SEC61A2: variants seen among roughly 807,000 people sequenced by gnomAD.
SEC61A2 encodes protein transport protein Sec61 subunit alpha isoform 2.
In SEC61A2, 28 loss-of-function variants were observed where a neutral mutation model predicts 59.9. The observed-to-expected ratio is 0.47, with a 90% CI of 0.35 to 0.64. The LOEUF (loss-of-function observed/expected upper bound fraction) is 0.64, where lower values mean the gene tolerates loss of function less well. SEC61A2 is among the 30% of genes least tolerant of loss of function. The pLI is 0.01. For missense variants in SEC61A2, 340 were observed against 585.9 expected, an observed-to-expected ratio of 0.58 and a Z score of 4.33; for synonymous variants, 202 against 214.4, an observed-to-expected ratio of 0.94 and a Z score of 0.50.
chr10:12,159,140 G>C (rs913362691), intron 9 of SEC61A2, among the ~76,000 whole-genome samples: 12 of 151,858 alleles, frequency 7.9e-5, no homozygotes, highest in Admixed American at 5.9e-4. Context: ...ACCACGCCCA[G>C]CTAATTTTTT....
intron 1 of SEC61A2, among the ~76,000 whole-genome samples, chr10:12,130,482 T>G (rs968459719): frequency 3.3e-5 from 5 of 152,028 alleles, no homozygotes; most frequent in Non-Finnish European, 5.9e-5. Flanking sequence ...TAGTGGACAT[T>G]TGGGGGAAAT....
In SEC61A2 at chr10:12,160,833, T is replaced by G; in HGVS notation, c.976-97T>G. 9.2e-7 allele frequency: 1 copy of G among 1,089,818 alleles called. No individual in the cohort carries two copies. Among genetic ancestry groups the G allele is most frequent in the Non-Finnish European group, 1.3e-6 (1 of 749,914 alleles). 67.5% of individuals were successfully genotyped at this position (1,089,818 alleles called of 1,614,324 possible). A position where few individuals can be genotyped will look rare whatever the true frequency, so the allele number is the denominator to read the frequency against. ...ATGACTAGCTGTAGATGCCTTGAAC[T>G]TAAAACACTGTCATTTCTGAGAAGT... On this transcript the variant is annotated intron_variant, in intron 9 of 11. Coordinates refer to ENST00000298428, the MANE Select transcript of SEC61A2 (RefSeq NM_018144.4). This position sits in a 1 kb window ranked among gnomAD's most constrained non-coding sequence, Gnocchi z 4.1.
rs117599876 is a variant in SEC61A2 at position 12,154,440 on chromosome 10, C to G, written c.463-1338C>G. On this transcript the variant is annotated intron_variant, in intron 6 of 11. Transcript: ENST00000298428. This position sits in a 1 kb window ranked among gnomAD's most constrained non-coding sequence, Gnocchi z 5.2. ...AGGCCCATCACGATGCTTTCTGTGG[C>G]TGATGTTCATGGACGGCTGTTGCCT... Among the ~76,000 whole-genome samples the G allele has an allele frequency of 1.2e-4, 18 of 152,264 alleles. No homozygotes were observed. The highest frequency in any genetic ancestry group is 2.5e-4 in the Non-Finnish European group (17 of 68,014).
rs1834127250 is a variant in SEC61A2 at position 12,145,913 on chromosome 10, G to GC, written c.220+2722dup. Among the ~76,000 whole-genome samples, 1 of 152,218 alleles carries GC rather than the reference G, an allele frequency of 6.6e-6. No individual in the cohort carries two copies. The highest frequency in any genetic ancestry group is 2.1e-4 in the South Asian group (1 of 4,832). On this transcript the variant is annotated intron_variant, in intron 4 of 11. Coordinates refer to ENST00000298428, the MANE Select transcript of SEC61A2 (RefSeq NM_018144.4). This position sits in a 1 kb window ranked among gnomAD's most constrained non-coding sequence, Gnocchi z 4.4. The stretch of plus-strand genomic sequence containing the variant: ...ATCTACAGTGGAGATGAACAGCTAA[G>GC]CCCCAGGAAGAAGGGGAGCAAGGCC...
At position 12,153,900 on chromosome 10, in the gene SEC61A2, C is replaced by A; in HGVS notation, c.463-1878C>A. On this transcript the variant is annotated intron_variant, in intron 6 of 11. Coordinates refer to ENST00000298428, the MANE Select transcript of SEC61A2 (RefSeq NM_018144.4). The surrounding 1 kb of genome is among the most constrained non-coding windows in gnomAD (Gnocchi z 5.2). ...CATTCACGTGGTTAGTGTTTTTCAG[C>A]TAGTGAGTTTAGAAATCTACATAGC... 4 of 1,257,884 alleles carry A rather than the reference C, an allele frequency of 3.2e-6. No individual in the cohort carries two copies. The highest frequency in any genetic ancestry group is 1.7e-5 in the South Asian group (1 of 57,828). 77.9% of individuals were successfully genotyped at this position (1,257,884 alleles called of 1,614,324 possible).
At chr10:12,130,300 CTG>C (rs902679651) in intron 1 of SEC61A2, among the ~76,000 whole-genome samples, 3 of 152,132 alleles carry the variant, frequency 2.0e-5, no homozygotes, top group African/African-American at 7.2e-5. Flanking sequence ...TTACTGAAAA[CTG>C]TAAGGTTTTA....
At chr10:12,136,923 C>T (rs1321557376) in intron 3 of SEC61A2, among the ~76,000 whole-genome samples, 1 of 152,134 alleles carries the variant, frequency 6.6e-6, no homozygotes, top group Non-Finnish European at 1.5e-5. Context: ...AGCCACCACG[C>T]CCAGCTGAAT....
chr10:12,164,478 C>A lies in SEC61A2; in HGVS notation c.*24C>A. On this transcript the variant is annotated 3_prime_UTR_variant, in exon 12 of 12. Coordinates refer to ENST00000298428, the MANE Select transcript of SEC61A2 (RefSeq NM_018144.4). The surrounding 1 kb of genome is among the most constrained non-coding windows in gnomAD (Gnocchi z 7.3). ...AAATGTTCAAATATTTCATTTTGTG[C>A]GTGTGAAAGGGAAAACACTTTGACG... The A allele has an allele frequency of 4.4e-6, 7 of 1,603,074 alleles. No homozygotes were observed. The highest frequency in any genetic ancestry group is 6.0e-6 in the Non-Finnish European group (7 of 1,173,852).
intron 1 of SEC61A2, among the ~76,000 whole-genome samples, chr10:12,131,988 A>T (rs74930733): frequency 0.17 from 12 of 70 alleles, no homozygotes; most frequent in Admixed American, 0.5. Flanking sequence ...TGAGCCAACA[A>T]GCCCGGCCTA....
intron 3 of SEC61A2, among the ~76,000 whole-genome samples, chr10:12,140,881 T>A (rs530545799): frequency 3.3e-5 from 5 of 151,848 alleles, no homozygotes; most frequent in South Asian, 2.1e-4. Flanking sequence ...ATTACAGGTG[T>A]GAGCCACCAC....
At chr10:12,135,566 C>T (rs1007795753) in intron 2 of SEC61A2, among the ~76,000 whole-genome samples, 7 of 152,252 alleles carry the variant, frequency 4.6e-5, no homozygotes, top group Admixed American at 2.6e-4. Context: ...ACCCAGATAA[C>T]GTTCATTGTA....
rs990728223 is a variant in SEC61A2 at position 12,152,210 on chromosome 10, A to G, written c.462+2249A>G. ...GCAATTCTGCCTCAGCCTCCCCGGT[A>G]GCTGGAATTACAGGGTCCTGCCACC... On this transcript the variant is annotated intron_variant, in intron 6 of 11. Coordinates refer to ENST00000298428, the MANE Select transcript of SEC61A2 (RefSeq NM_018144.4). The surrounding 1 kb of genome is among the most constrained non-coding windows in gnomAD (Gnocchi z 5.5). Among the ~76,000 whole-genome samples the G allele has an allele frequency of 6.6e-6, 1 of 152,004 alleles. No individual in the cohort carries two copies. The highest frequency in any genetic ancestry group is 1.5e-5 in the Non-Finnish European group (1 of 68,012).
At chr10:12,168,444 G>A (rs1398519228), downstream of SEC61A2, among the ~76,000 whole-genome samples, 2 of 152,160 alleles carry the variant, frequency 1.3e-5, no homozygotes, top group East Asian at 3.8e-4. This position sits in a 1 kb window ranked among gnomAD's most constrained non-coding sequence, Gnocchi z 4.8. Context: ...GATTATGTAG[G>A]ATCTTAGGGA....
chr10:12,135,268 A>T (rs964294999), intron 2 of SEC61A2, among the ~76,000 whole-genome samples: 2 of 152,156 alleles, frequency 1.3e-5, no homozygotes, highest in Non-Finnish European at 2.9e-5. Flanking sequence ...CTGCCTATGT[A>T]ACAAACCGGC....
In SEC61A2 at chr10:12,155,564, A is replaced by G. The variant is rs1355906203; in HGVS notation, c.463-214A>G. ...CTTTAAAAGTTGAAATGTCTGCTTT[A>G]TAATACAACAGTATTTCCAGTCCTC... On this transcript the variant is annotated intron_variant, in intron 6 of 11. Coordinates refer to ENST00000298428, the MANE Select transcript of SEC61A2 (RefSeq NM_018144.4). The surrounding 1 kb of genome is among the most constrained non-coding windows in gnomAD (Gnocchi z 4.3). Among the ~76,000 whole-genome samples the G allele has an allele frequency of 6.6e-6, 1 of 152,232 alleles. No individual in the cohort carries two copies. Among genetic ancestry groups the G allele is most frequent in the Non-Finnish European group, 1.5e-5 (1 of 68,032 alleles).
chr10:12,149,821 C>G lies in SEC61A2; in HGVS notation c.353-31C>G, dbSNP rs368229581. On this transcript the variant is annotated intron_variant, in intron 5 of 11. Transcript: ENST00000298428. This position sits in a 1 kb window ranked among gnomAD's most constrained non-coding sequence, Gnocchi z 5.2. Reference sequence around the variant, plus strand: ...GTCTTTTCTTGTCTTTGGTGGTAAGCGTGCTCTCCTTTCCCCCCAACTTTC... The same window carrying G: ...GTCTTTTCTTGTCTTTGGTGGTAAGGGTGCTCTCCTTTCCCCCCAACTTTC... 1 of 1,607,850 alleles carries G rather than the reference C, an allele frequency of 6.2e-7. No individual in the cohort carries two copies. Among genetic ancestry groups the G allele is most frequent in the South Asian group, 1.1e-5 (1 of 90,738 alleles).
chr10:12,129,918 C>G lies in SEC61A2; in HGVS notation c.7+124C>G. On this transcript the variant is annotated intron_variant, in intron 1 of 11. Coordinates refer to ENST00000298428, the MANE Select transcript of SEC61A2 (RefSeq NM_018144.4). The surrounding 1 kb of genome is among the most constrained non-coding windows in gnomAD (Gnocchi z 5.6). Reference sequence around the variant, plus strand: ...CAGGGATGCGCGGGCCGCTCCGGGCCTCAGCGGAGGGCACGGGCCGGGGGC... The same window carrying G: ...CAGGGATGCGCGGGCCGCTCCGGGCGTCAGCGGAGGGCACGGGCCGGGGGC... The G allele has an allele frequency of 1.1e-6, 1 of 910,070 alleles. No individual in the cohort carries two copies. Among genetic ancestry groups the G allele is most frequent in the Non-Finnish European group, 1.5e-6 (1 of 677,714 alleles). The allele number at this position is 910,070 out of a possible 1,614,324, so 56.4% of individuals were successfully genotyped here.
In SEC61A2 at chr10:12,162,261, G is replaced by A. The variant is rs760389800; in HGVS notation, c.1216G>A (p.Asp406Asn). Residue 406 changes from aspartate (D) to asparagine (N), a missense_variant, in exon 11 of 12, where the codon GAT (aspartate) becomes AAT (asparagine). Physicochemically the swap from Asp to Asn is conservative, Grantham distance 23 (BLOSUM62 1). Transcript: ENST00000298428. The surrounding 1 kb of genome is among the most constrained non-coding windows in gnomAD (Gnocchi z 6.1). ...EQQMVMRGHR[D>N]TSMVHELNRY... ...GCAGATGGTAATGAGGGGCCACCGAGATACCTCTATGGTTCATGAGCTTAA... is the reference window on the plus strand; with the variant it reads ...GCAGATGGTAATGAGGGGCCACCGAAATACCTCTATGGTTCATGAGCTTAA... The A allele has an allele frequency of 2.5e-6, 4 of 1,613,916 alleles. No homozygotes were observed. The East Asian group carries it at 8.9e-5, about 36-fold the overall frequency.
At chr10:12,139,500 T>C (rs1251015988) in intron 3 of SEC61A2, among the ~76,000 whole-genome samples, 2 of 151,390 alleles carry the variant, frequency 1.3e-5, no homozygotes, top group African/African-American at 4.8e-5. Context: ...AAGTACAAAA[T>C]TGAGCTGGGC....
Sources: allele counts gnomAD v4.1 joint callset (sites outside exome capture counted in the v4.1 genomes callset), GRCh38; gene constraint gnomAD v4.1.1; non-coding constraint Gnocchi (gnomAD v3.1); transcripts MANE v1.5; gene names NCBI Gene and HGNC (gene_info 2026-07-23, HGNC 2026-07-21).